SCARA3: variants seen among roughly 807,000 people sequenced by gnomAD.
SCARA3 encodes the protein scavenger receptor class A member 3.
In SCARA3, 39 loss-of-function variants were observed where a neutral mutation model predicts 47.0. That is an observed-to-expected ratio of 0.83 (90% CI 0.64 to 1.08). The LOEUF (loss-of-function observed/expected upper bound fraction) is 1.08, where lower values mean the gene tolerates loss of function less well. SCARA3 is among the 50% of genes least tolerant of loss of function. The probability of loss-of-function intolerance (pLI) is 0.00; values close to 1 mark genes in which losing one functional copy is unlikely to be tolerated. For synonymous variants in SCARA3, 356 were observed against 334.1 expected, an observed-to-expected ratio of 1.07 and a Z score of -0.71; for missense variants, 724 against 792.3, an observed-to-expected ratio of 0.91 and a Z score of 1.04.
downstream of SCARA3, chr8:27,676,531 A>G: frequency 3.7e-6 from 6 of 1,607,550 alleles, no homozygotes; most frequent in Non-Finnish European, 5.1e-6. Flanking sequence ...ACAAACTATT[A>G]AATATTAGAA....
chr8:27,671,266 T>A lies in SCARA3; in HGVS notation c.1736T>A (p.Met579Lys). The A allele has an allele frequency of 6.8e-7, 1 of 1,479,162 alleles. No individual in the cohort carries two copies. The highest frequency in any genetic ancestry group is 1.4e-5 in the South Asian group (1 of 70,588). 91.6% of individuals were successfully genotyped at this position (1,479,162 alleles called of 1,614,324 possible). Residue 579 changes from methionine (M) to lysine (K), a missense_variant, in exon 6 of 6, where the codon ATG (methionine) becomes AAG (lysine). Transcript: ENST00000301904. ...KTGSPGQRGA[M>K]GPKGEPGIQG... ...GGGTCACCAGGCCAGCGGGGGGCCA[T>A]GGGGCCTAAGGGTGAACCAGGGATC...
chr8:27,722,456 T>C, the SCARA3 span, among the ~76,000 whole-genome samples: 2 of 152,102 alleles, frequency 1.3e-5, no homozygotes, highest in Non-Finnish European at 2.9e-5. Flanking sequence ...AGAATGATTG[T>C]GAGGCTTCAA....
the SCARA3 span, among the ~76,000 whole-genome samples, chr8:27,682,731 G>C: frequency 6.6e-6 from 1 of 152,120 alleles, no homozygotes; most frequent in Non-Finnish European, 1.5e-5. Flanking sequence ...TGTTGGCAAG[G>C]ATGTAAAGCA....
intron 1 of SCARA3, among the ~76,000 whole-genome samples, chr8:27,643,932 T>G (rs1278597007): frequency 6.6e-6 from 1 of 152,134 alleles, no homozygotes; most frequent in African/African-American, 2.4e-5. Context: ...TAGCAGTTGG[T>G]TAACAGGTCC....
At chr8:27,722,402 C>T in the SCARA3 span, among the ~76,000 whole-genome samples, 1 of 152,206 alleles carries the variant, frequency 6.6e-6, no homozygotes, top group Non-Finnish European at 1.5e-5. Context: ...CACAGCTACT[C>T]TGGGCTTCTG....
chr8:27,679,417 T>C (rs59442773), downstream of SCARA3, among the ~76,000 whole-genome samples: 11,542 of 152,242 alleles, frequency 0.076, 499 homozygotes, highest in East Asian at 0.22. Context: ...TGGAATATTC[T>C]TGTATCATAT....
downstream of SCARA3, among the ~76,000 whole-genome samples, chr8:27,681,748 A>G (rs1802359088): frequency 6.6e-6 from 1 of 152,222 alleles, no homozygotes; most frequent in Admixed American, 6.5e-5. Flanking sequence ...AAATCTCTAC[A>G]TATAAAGTTA....
downstream of SCARA3, among the ~76,000 whole-genome samples, chr8:27,673,658 A>G (rs922092157): frequency 7.9e-5 from 12 of 152,126 alleles, no homozygotes; most frequent in African/African-American, 2.9e-4. Flanking sequence ...TATAGTGAGT[A>G]GCATGAGGTC....
chr8:27,642,515 G>A (rs1479729352), intron 1 of SCARA3, among the ~76,000 whole-genome samples: 2 of 152,156 alleles, frequency 1.3e-5, no homozygotes, highest in Admixed American at 6.5e-5. Context: ...GGGTGACAAC[G>A]GGGATCAAGA....
At chr8:27,730,448 C>T in the SCARA3 span, among the ~76,000 whole-genome samples, 10 of 152,030 alleles carry the variant, frequency 6.6e-5, no homozygotes, top group Admixed American at 2.0e-4. Context: ...GGCAGAATCC[C>T]CAAGCTCAGC....
At chr8:27,698,770 T>G in the SCARA3 span, among the ~76,000 whole-genome samples, 2 of 152,098 alleles carry the variant, frequency 1.3e-5, no homozygotes, top group Non-Finnish European at 2.9e-5. Context: ...AGCATAAAAA[T>G]ATAAAATATA....
chr8:27,691,972 A>G, the SCARA3 span, among the ~76,000 whole-genome samples: 1 of 152,106 alleles, frequency 6.6e-6, no homozygotes, highest in Non-Finnish European at 1.5e-5. Flanking sequence ...CAAACCCCCC[A>G]AACAAAGGAA....
At chr8:27,725,735 T>C in the SCARA3 span, among the ~76,000 whole-genome samples, 1 of 152,116 alleles carries the variant, frequency 6.6e-6, no homozygotes, top group East Asian at 1.9e-4. Flanking sequence ...GAGCTGCTCC[T>C]TCCCTGGGAG....
downstream of SCARA3, among the ~76,000 whole-genome samples, chr8:27,674,563 C>A (rs1036702577): frequency 1.3e-5 from 2 of 152,106 alleles, no homozygotes; most frequent in African/African-American, 4.8e-5. Flanking sequence ...CTGGAACTTT[C>A]CAGGGCCAAG....
chr8:27,636,919 C>T (rs1413609984), intron 1 of SCARA3, among the ~76,000 whole-genome samples: 1 of 152,150 alleles, frequency 6.6e-6, no homozygotes, highest in Non-Finnish European at 1.5e-5. Context: ...TTTTCTCACT[C>T]GAGTGGAAAA....
chr8:27,696,043 G>T, the SCARA3 span, among the ~76,000 whole-genome samples: 1 of 151,248 alleles, frequency 6.6e-6, no homozygotes, highest in African/African-American at 2.4e-5. Context: ...TTTGAGACAA[G>T]ATTTTGCCCA....
the SCARA3 span, among the ~76,000 whole-genome samples, chr8:27,727,634 A>G: frequency 2.0e-5 from 3 of 152,326 alleles, no homozygotes; most frequent in African/African-American, 7.2e-5. Flanking sequence ...TTAAAAACTG[A>G]TAGCTCCTGG....
chr8:27,644,146 G>A (rs17057475), intron 1 of SCARA3, among the ~76,000 whole-genome samples: 3,827 of 152,316 alleles, frequency 0.025, 138 homozygotes, highest in African/African-American at 0.084. Flanking sequence ...GTGACCTAAG[G>A]GATGACAGGA....
intron 5 of SCARA3, among the ~76,000 whole-genome samples, chr8:27,663,493 C>T (rs753251371): frequency 6.6e-6 from 1 of 152,238 alleles, no homozygotes; most frequent in Non-Finnish European, 1.5e-5. Flanking sequence ...ACACCACTTC[C>T]ATCTGATGAT....
Sources: allele counts gnomAD v4.1 joint callset (sites outside exome capture counted in the v4.1 genomes callset), GRCh38; gene constraint gnomAD v4.1.1; transcripts MANE v1.5; gene names NCBI Gene and HGNC (gene_info 2026-07-23, HGNC 2026-07-21).